Variants in TUBGCP3 observed in about 807,000 individuals in gnomAD.
TUBGCP3 encodes tubulin gamma complex component 3, also known as gamma-tubulin complex component 3.
A neutral mutation model predicts 123.1 loss-of-function variants in TUBGCP3; 50 were observed. That is an observed-to-expected ratio of 0.41 (90% CI 0.32 to 0.51). The LOEUF (loss-of-function observed/expected upper bound fraction) is 0.51. TUBGCP3 is among the 20% of genes least tolerant of loss of function. The pLI, the probability that TUBGCP3 is intolerant of heterozygous loss-of-function variation, is 0.36. For synonymous variants in TUBGCP3, 405 were observed against 413.9 expected (o/e 0.98, Z 0.26); for missense variants, 882 against 1,127.0 (o/e 0.78, Z 3.11).
At chr13:112,525,945 A>C (rs1169495186) in intron 13 of TUBGCP3, among the ~76,000 whole-genome samples, 1 of 152,208 alleles carries the variant, frequency 6.6e-6, no homozygotes, top group Admixed American at 6.5e-5. Flanking sequence ...TACATACATA[A>C]TACTATGTAT....
rs757913141 is a variant in TUBGCP3 at position 112,513,416 on chromosome 13, C to T, written c.2086+3024G>A. ...GCTTGGTAGATCATGATCAAAAACT[C>T]TTGCCCCCAGCAAAGCACTTTCACA... On this transcript the variant is annotated intron_variant, in intron 17 of 21. Coordinates refer to ENST00000261965, the MANE Select transcript of TUBGCP3 (RefSeq NM_006322.6). Among the ~76,000 whole-genome samples, 71 of 152,230 alleles carry T rather than the reference C, an allele frequency of 4.7e-4. 2 individuals carry two copies. The highest frequency in any genetic ancestry group is 4.4e-4 in the Non-Finnish European group (30 of 68,042).
intron 1 of TUBGCP3, among the ~76,000 whole-genome samples, chr13:112,574,556 CAG>C (rs1881664467): frequency 1.3e-5 from 2 of 152,246 alleles, no homozygotes; most frequent in African/African-American, 4.8e-5. Flanking sequence ...CTTGGTGAAA[CAG>C]AAACTGAAGA....
At chr13:112,559,511 T>C (rs1474724275) in intron 3 of TUBGCP3, 112 bp from the exon 4 acceptor site, 3 of 845,344 alleles carry the variant, frequency 3.5e-6, no homozygotes, top group Non-Finnish European at 3.5e-6. Context: ...AAAATTCACA[T>C]AGTAACGTCA....
chr13:112,549,869 G>T (rs1207321704), intron 8 of TUBGCP3, among the ~76,000 whole-genome samples: 1 of 151,634 alleles, frequency 6.6e-6, no homozygotes, highest in Non-Finnish European at 1.5e-5. Flanking sequence ...GGGTGCCTGT[G>T]GTCCCAGCTA....
chr13:112,564,001 TA>T (rs1273870990), intron 3 of TUBGCP3, among the ~76,000 whole-genome samples: 1 of 152,182 alleles, frequency 6.6e-6, no homozygotes, highest in African/African-American at 2.4e-5. Context: ...AGAAATATGG[TA>T]TCCAATAAGC....
the TUBGCP3 span, among the ~76,000 whole-genome samples, chr13:112,597,164 G>A: frequency 6.6e-6 from 1 of 152,210 alleles, no homozygotes; most frequent in African/African-American, 2.4e-5. Context: ...AGTGGTGGCT[G>A]GTCTGTCAGC....
At chr13:112,548,197 A>G in intron 8 of TUBGCP3, 21 bp from the exon 9 acceptor site, 1 of 1,585,252 alleles carries the variant, frequency 6.3e-7, no homozygotes, top group Non-Finnish European at 8.6e-7. Flanking sequence ...GAGAAATATA[A>G]TTAAAGCACG....
At chr13:112,603,041 G>A in the TUBGCP3 span, 1 of 152,192 alleles carries the variant, frequency 6.6e-6, no homozygotes, top group African/African-American at 2.4e-5. Flanking sequence ...CCGAAGACTG[G>A]GGTTAGGTGG....
At chr13:112,600,981 G>C in the TUBGCP3 span, among the ~76,000 whole-genome samples, 1 of 151,834 alleles carries the variant, frequency 6.6e-6, no homozygotes, top group Admixed American at 6.6e-5. Flanking sequence ...TGAGGCCAGG[G>C]GTTCAAGACC....
chr13:112,500,602 G>A (rs1880839813), intron 19 of TUBGCP3, among the ~76,000 whole-genome samples: 1 of 152,176 alleles, frequency 6.6e-6, no homozygotes, highest in African/African-American at 2.4e-5. Context: ...CAAAAGATTT[G>A]CAAGTTTATA....
chr13:112,501,343 G>C (rs112141150), intron 19 of TUBGCP3, among the ~76,000 whole-genome samples: 1 of 152,226 alleles, frequency 6.6e-6, no homozygotes, highest in Non-Finnish European at 1.5e-5. Context: ...ATGTTTGGAA[G>C]AGTTAATCCA....
At chr13:112,513,408 CAAAA>C (rs1881802354) in intron 17 of TUBGCP3, among the ~76,000 whole-genome samples, 1 of 152,202 alleles carries the variant, frequency 6.6e-6, no homozygotes, top group African/African-American at 2.4e-5. Context: ...AGATCATGAT[CAAAA>C]ACTCTTGCCC....
chr13:112,527,571 T>C, intron 11 of TUBGCP3, 87 bp from the exon 12 acceptor site: 9 of 924,756 alleles, frequency 9.7e-6, no homozygotes, highest in Non-Finnish European at 1.2e-5. Flanking sequence ...TAAGTTATTC[T>C]AGAAAGCCAA....
At chr13:112,498,929 A>G (rs1230504193) in intron 20 of TUBGCP3, 116 bp downstream of exon 20, 3 of 1,614,008 alleles carry the variant, frequency 1.9e-6, no homozygotes, top group Non-Finnish European at 2.5e-6. Flanking sequence ...GTATAGGCAC[A>G]TCTCAACCTG....
At chr13:112,538,903 ACAATGTAATTGT>A (rs1198697669) in intron 11 of TUBGCP3, among the ~76,000 whole-genome samples, 4 of 152,238 alleles carry the variant, frequency 2.6e-5, no homozygotes, top group Non-Finnish European at 5.9e-5. Flanking sequence ...GATCAAACAC[ACAATGTAATTGT>A]CTAAATTACC....
At chr13:112,527,175 T>C (rs1877204357) in intron 12 of TUBGCP3, 125 bp from the exon 13 acceptor site, 1 of 860,726 alleles carries the variant, frequency 1.2e-6, no homozygotes, top group Non-Finnish European at 1.8e-6. Flanking sequence ...TGCTACAGTA[T>C]GGAGCGAATT....
chr13:112,545,796 G>C lies in TUBGCP3; in HGVS notation c.1238C>G (p.Ser413Cys). 1 of 1,614,184 alleles carries C rather than the reference G, an allele frequency of 6.2e-7. No individual in the cohort carries two copies. The highest frequency in any genetic ancestry group is 8.5e-7 in the Non-Finnish European group (1 of 1,180,032). ...YTKTGDPYMR[S>C]LVQHILSLVS... is the part of the protein sequence containing the mutation. ...GAGGCTGAGGATGTGCTGCACCAGA[G>C]ACCGCATGTACGGGTCTCCTGTTTT... The change falls in exon 11 of 22, where the codon TCT becomes TGT. Residue 413 changes from serine (S) to cysteine (C), a missense_variant. This residue lies in a region of TUBGCP3 where 713 missense variants were observed against 874.0 expected (regional missense o/e 0.82). Coordinates refer to ENST00000261965, the MANE Select transcript of TUBGCP3 (RefSeq NM_006322.6). The surrounding 1 kb of genome is among the most constrained non-coding windows in gnomAD (Gnocchi z 4.1).
intron 11 of TUBGCP3, among the ~76,000 whole-genome samples, chr13:112,535,770 TA>T (rs1264190603): frequency 6.6e-6 from 1 of 152,258 alleles, no homozygotes; most frequent in African/African-American, 2.4e-5. Context: ...ACATAGTTTT[TA>T]TTTTGATAAA....
chr13:112,584,534 A>C (rs1820559458), intron 1 of TUBGCP3, among the ~76,000 whole-genome samples: 1 of 152,188 alleles, frequency 6.6e-6, no homozygotes, highest in South Asian at 2.1e-4. Flanking sequence ...AAATCATGAA[A>C]CCAATAGCAA....
Sources: gnomAD v4.1 joint callset for allele counts (sites outside exome capture counted in the v4.1 genomes callset) on GRCh38, gnomAD v4.1.1 for gene constraint, gnomAD v4.1.1 regional missense constraint, Gnocchi (gnomAD v3.1) non-coding constraint, MANE v1.5 for transcripts, NCBI Gene and HGNC (gene_info 2026-07-23, HGNC 2026-07-21) for gene names.